Variants in PLEKHA6 observed in about 807,000 individuals in gnomAD.
PLEKHA6 encodes pleckstrin homology domain containing A6.
Under a neutral mutation model 116.7 loss-of-function variants are expected in PLEKHA6, and 60 were observed. The ratio of observed to expected loss-of-function variants is 0.51; its 90% CI spans 0.42 to 0.64. The LOEUF (loss-of-function observed/expected upper bound fraction) is 0.64, where lower values mean the gene tolerates loss of function less well. PLEKHA6 is among the 30% of genes least tolerant of loss of function. PLEKHA6 has a pLI of 0.00. For missense variants in PLEKHA6, 1,338 were observed against 1,422.7 expected (o/e 0.94, Z 0.96); for synonymous variants, 489 against 556.1 (o/e 0.88, Z 1.70).
At chr1:204,241,920 A>G in intron 15 of PLEKHA6, 106 bp from the exon 16 acceptor site, 2 of 1,246,968 alleles carry the variant, frequency 1.6e-6, no homozygotes, top group Non-Finnish European at 1.2e-6. Context: ...AAACCCTTGC[A>G]GATACAAGGA....
chr1:204,364,095 T>C (rs1673609813), upstream of PLEKHA6, among the ~76,000 whole-genome samples: 1 of 152,164 alleles, frequency 6.6e-6, no homozygotes, highest in African/African-American at 2.4e-5. Context: ...TATTTGCTCA[T>C]TGAAATTTCC....
intron 1 of PLEKHA6, among the ~76,000 whole-genome samples, chr1:204,339,009 T>C (rs1285271112): frequency 1.3e-5 from 2 of 152,196 alleles, no homozygotes; most frequent in African/African-American, 4.8e-5. Flanking sequence ...CGGACATGAC[T>C]CTGTGTGACT....
intron 1 of PLEKHA6, among the ~76,000 whole-genome samples, chr1:204,293,761 T>C (rs558286736): frequency 2.0e-5 from 3 of 152,326 alleles, no homozygotes; most frequent in Non-Finnish European, 2.9e-5. Context: ...AGTGTATTAA[T>C]CGCCTTACTC....
chr1:204,366,443 A>G (rs1323544704), intron 3 of PLEKHA6, among the ~76,000 whole-genome samples: 1 of 152,198 alleles, frequency 6.6e-6, no homozygotes, highest in East Asian at 1.9e-4. Context: ...GAAAGAAAAG[A>G]AAAATTTGCT....
Position 204,228,716 on chromosome 1 carries a change from C to T in PLEKHA6, c.2885+12G>A, listed in dbSNP as rs181582061. On this transcript the variant is annotated intron_variant, in intron 20 of 22. Coordinates refer to ENST00000272203, the MANE Select transcript of PLEKHA6 (RefSeq NM_014935.5). This position sits in a 1 kb window ranked among gnomAD's most constrained non-coding sequence, Gnocchi z 4.0. ...TGAGCAGAGGAAGTAGAGGCTCACC[C>T]AGGCTGGTTACCTGGATTTGGCAAT... The T allele has an allele frequency of 6.2e-7, 1 of 1,613,626 alleles. No individual in the cohort carries two copies. Among genetic ancestry groups the T allele is most frequent in the African/African-American group, 1.3e-5 (1 of 74,890 alleles).
chr1:204,285,878 T>C (rs1344483010), intron 1 of PLEKHA6, among the ~76,000 whole-genome samples: 1 of 152,180 alleles, frequency 6.6e-6, no homozygotes, highest in African/African-American at 2.4e-5. Context: ...TGTTCCTCCC[T>C]CCTGCTTTCC....
intron 1 of PLEKHA6, among the ~76,000 whole-genome samples, chr1:204,338,966 C>A (rs1018647980): frequency 6.6e-6 from 1 of 152,248 alleles, no homozygotes; most frequent in African/African-American, 2.4e-5. Context: ...CCCCGTGCAT[C>A]CGGGCAGGCT....
intron 1 of PLEKHA6, chr1:204,327,161 G>A: frequency 5.1e-6 from 1 of 196,694 alleles, no homozygotes; most frequent in Non-Finnish European, 9.2e-6. Context: ...GATGTAACAG[G>A]CGCGAGCCCA....
At chr1:204,372,100 T>C (rs1336789679) in intron 1 of PLEKHA6, among the ~76,000 whole-genome samples, 2 of 152,192 alleles carry the variant, frequency 1.3e-5, no homozygotes, top group African/African-American at 4.8e-5. Context: ...CATGAACCCA[T>C]AGTCCTTATG....
rs1668159501 is a variant in PLEKHA6, at chr1:204,277,655, C to T, written c.-94-2846G>A. 1 of 152,220 alleles carries T rather than the reference C, an allele frequency of 6.6e-6. No individual in the cohort carries two copies. The highest frequency in any genetic ancestry group is 2.4e-5 in the African/African-American group (1 of 41,454). 9.4% of individuals were successfully genotyped at this position (152,220 alleles called of 1,614,324 possible). On this transcript the variant is annotated intron_variant, in intron 1 of 22. Transcript: ENST00000272203. This position sits in a 1 kb window ranked among gnomAD's most constrained non-coding sequence, Gnocchi z 4.1. The stretch of plus-strand genomic sequence containing the variant: ...GGGTTAAATGAAGCTCCCGATTCAT[C>T]TGCTGTTATTGCTGCCGCTGCTGAG...
In PLEKHA6 at chr1:204,248,901, G is replaced by C. The variant is rs759719155; in HGVS notation, c.1744C>G (p.Pro582Ala). The C allele has an allele frequency of 3.1e-6, 5 of 1,614,000 alleles. 1 individual carries two copies. In the Admixed American group the frequency reaches 6.7e-5, roughly 22 times the overall value. ...LEMFGSQPAYPEKLRHKKDSL... is the reference protein window; with the variant it reads ...LEMFGSQPAYAEKLRHKKDSL... ...TCCTTTTTGTGTCGCAGCTTTTCTGGGTAGGCGGGCTGGCTTCCAAACATC... is the reference window on the plus strand; with the variant it reads ...TCCTTTTTGTGTCGCAGCTTTTCTGCGTAGGCGGGCTGGCTTCCAAACATC... Residue 582 changes from proline (P) to alanine (A), a missense_variant, in exon 12 of 23, where the codon CCA (proline) becomes GCA (alanine). By Grantham distance (27) the Pro-to-Ala change is conservative (BLOSUM62 -1). Coordinates refer to ENST00000272203, the MANE Select transcript of PLEKHA6 (RefSeq NM_014935.5).
chr1:204,291,334 A>G (rs1669731397), intron 1 of PLEKHA6, among the ~76,000 whole-genome samples: 1 of 152,252 alleles, frequency 6.6e-6, no homozygotes, highest in South Asian at 2.1e-4. Flanking sequence ...GAGAATATAA[A>G]TGGTACATCC....
At position 204,243,073 on chromosome 1, in the gene PLEKHA6, G is replaced by T. The variant is rs564301122; in HGVS notation, c.2173-1259C>A. On this transcript the variant is annotated intron_variant, in intron 15 of 22. Coordinates refer to ENST00000272203, the MANE Select transcript of PLEKHA6 (RefSeq NM_014935.5). ...CCCTTGGCCTGGCCCTTTGCCCATT[G>T]TCCCCTGCCCCACCCTCCAGGACCC... 2.3e-5 allele frequency: 9 copies of T among 399,160 alleles called. 1 individual carries two copies. The South Asian group carries it at 1.0e-3, about 45-fold the overall frequency. 24.7% of individuals were successfully genotyped at this position (399,160 alleles called of 1,614,324 possible). A position where few individuals can be genotyped will look rare whatever the true frequency, so the allele number is the denominator to read the frequency against.
At chr1:204,233,281 C>G (rs1415536533) in intron 17 of PLEKHA6, among the ~76,000 whole-genome samples, 2 of 149,672 alleles carry the variant, frequency 1.3e-5, no homozygotes, top group Non-Finnish European at 1.5e-5. Context: ...CTCAGACAAT[C>G]TTCCAGCCTA....
chr1:204,233,187 C>CTT (rs57991213), intron 17 of PLEKHA6, among the ~76,000 whole-genome samples: 25 of 129,780 alleles, frequency 1.9e-4, no homozygotes, highest in Non-Finnish European at 3.4e-4. Flanking sequence ...TTTTCTTTTT[C>CTT]TTTTTTTTTT....
chr1:204,371,370 G>A (rs570077995), intron 2 of PLEKHA6, among the ~76,000 whole-genome samples: 15 of 152,358 alleles, frequency 9.8e-5, no homozygotes, highest in African/African-American at 3.6e-4. Context: ...CAACAAGCCT[G>A]CAATCTCCCC....
At chr1:204,227,214 G>GTCA (rs1660486749) in intron 21 of PLEKHA6, among the ~76,000 whole-genome samples, 1 of 152,178 alleles carries the variant, frequency 6.6e-6, no homozygotes, top group Non-Finnish European at 1.5e-5. Context: ...CTCTGCCAGT[G>GTCA]TCATCTCCAA....
At chr1:204,343,564 T>G (rs191139226) in intron 1 of PLEKHA6, among the ~76,000 whole-genome samples, 2 of 152,250 alleles carry the variant, frequency 1.3e-5, no homozygotes, top group Non-Finnish European at 2.9e-5. Context: ...GCCTGACTCT[T>G]GAAACAATGA....
intron 5 of PLEKHA6, among the ~76,000 whole-genome samples, chr1:204,265,671 C>T (rs1242353782): frequency 6.6e-6 from 1 of 152,202 alleles, no homozygotes; most frequent in Non-Finnish European, 1.5e-5. Context: ...GACTATCCCA[C>T]CTTCTGCTCT....
Sources: allele counts gnomAD v4.1 joint callset (sites outside exome capture counted in the v4.1 genomes callset), GRCh38; gene constraint gnomAD v4.1.1; non-coding constraint Gnocchi (gnomAD v3.1); transcripts MANE v1.5; gene names NCBI Gene and HGNC (gene_info 2026-07-23, HGNC 2026-07-21).